SPTY2D1: variants seen among roughly 807,000 people sequenced by gnomAD.
SPTY2D1 encodes the protein protein SPT2 homolog.
A neutral mutation model predicts 64.0 loss-of-function variants in SPTY2D1; 21 were observed. The ratio of observed to expected loss-of-function variants is 0.33; its 90% CI spans 0.23 to 0.47. The LOEUF is 0.47. SPTY2D1 is among the 20% of genes least tolerant of loss of function. The probability of loss-of-function intolerance (pLI) is 1.00; values close to 1 mark genes in which losing one functional copy is unlikely to be tolerated. For synonymous variants in SPTY2D1, 287 were observed against 286.8 expected, an observed-to-expected ratio of 1.00 and a Z score of -0.01; for missense variants, 724 against 837.2, an observed-to-expected ratio of 0.86 and a Z score of 1.67.
chr11:18,614,843 T>A lies in SPTY2D1; in HGVS notation c.1431A>T (p.Arg477=), dbSNP rs1164070623. 2 of 1,613,512 alleles carry A rather than the reference T, an allele frequency of 1.2e-6. No homozygotes were observed. The highest frequency in any genetic ancestry group is 1.7e-6 in the Non-Finnish European group (2 of 1,179,748). ...RPVSSPHELR[R]PVSGLGPPGR... is the part of the protein sequence containing the mutation. ...CCGGGGGGCCCAAGCCACTCACTGG[T>A]CGTCGAAGTTCATGTGGACTGCTCA... The change falls in exon 3 of 6, where the codon CGA becomes CGT. Residue 477 remains arginine (R), a synonymous_variant. Transcript: ENST00000336349.
chr11:18,613,985 C>T (rs74560026), intron 3 of SPTY2D1, among the ~76,000 whole-genome samples: 3,202 of 152,242 alleles, frequency 0.021, 43 homozygotes, highest in African/African-American at 0.04. Context: ...TTAATTCATC[C>T]ATTGCAGCAT....
chr11:18,612,254 C>T lies in SPTY2D1; in HGVS notation c.1886+60G>A. 1 of 1,393,898 alleles carries T rather than the reference C, an allele frequency of 7.2e-7. No individual in the cohort carries two copies. Among genetic ancestry groups the T allele is most frequent in the South Asian group, 1.4e-5 (1 of 69,238 alleles). The allele number at this position is 1,393,898 out of a possible 1,614,324, so 86.3% of individuals were successfully genotyped here. A position where few individuals can be genotyped will look rare whatever the true frequency, so the allele number is the denominator to read the frequency against. On this transcript the variant is annotated intron_variant, in intron 4 of 5. Transcript: ENST00000336349. The surrounding 1 kb of genome is among the most constrained non-coding windows in gnomAD (Gnocchi z 4.6). ...CCACTATTAGTTTATTACCCCATGA[C>T]ATGAATTATTCAAAATAAAAAAAGG...
chr11:18,634,254 C>T lies in SPTY2D1; in HGVS notation c.4G>A (p.Asp2Asn), dbSNP rs766557936. The T allele has an allele frequency of 5.0e-6, 8 of 1,614,038 alleles. No individual in the cohort carries two copies. The highest frequency in any genetic ancestry group is 1.7e-5 in the Admixed American group (1 of 60,004). Residue 2 changes from aspartate (D) to asparagine (N), a missense_variant, in exon 1 of 6, where the codon GAC becomes AAC. Physicochemically the swap from Asp to Asn is conservative, Grantham distance 23. Transcript: ENST00000336349. ...GCTATCATGAGAATTTCTCTGAAGT[C>T]CATGTTGGGCCGAGGCGGGAGAGAC... M[D>N]FREILMIASK... is the part of the protein sequence containing the mutation.
intron 1 of SPTY2D1, among the ~76,000 whole-genome samples, chr11:18,618,072 A>C (rs1462225214): frequency 6.6e-6 from 1 of 152,224 alleles, no homozygotes; most frequent in Non-Finnish European, 1.5e-5. Context: ...TACTCCTCAC[A>C]ACTATTTTCT....
rs769164045 is a variant in SPTY2D1 at position 18,634,299 on chromosome 11, G to A, written c.-42C>T. 4 of 1,609,804 alleles carry A rather than the reference G, an allele frequency of 2.5e-6. No homozygotes were observed. Among genetic ancestry groups the A allele is most frequent in the African/African-American group, 1.3e-5 (1 of 74,848 alleles). On this transcript the variant is annotated 5_prime_UTR_variant, in exon 1 of 6. Coordinates refer to ENST00000336349, the MANE Select transcript of SPTY2D1 (RefSeq NM_194285.3). ...AGAGACTGGGCCAGGCACTCGGAAA[G>A]GACTGACAGCGCACCTAACCGAGGC...
chr11:18,614,508 C>A, intron 3 of SPTY2D1, 55 bp downstream of exon 3: 1 of 1,524,610 alleles, frequency 6.6e-7, no homozygotes, highest in South Asian at 1.3e-5. Context: ...TATAAAAACT[C>A]TTTCCAATTT....
At chr11:18,625,536 C>A (rs1317131817) in intron 1 of SPTY2D1, among the ~76,000 whole-genome samples, 1 of 150,202 alleles carries the variant, frequency 6.7e-6, no homozygotes, top group Non-Finnish European at 1.5e-5. Context: ...CCAAAATATT[C>A]TCACTACAAC....
rs773567810 is a variant in SPTY2D1, at chr11:18,634,262, G to C, written c.-5C>G. On this transcript the variant is annotated 5_prime_UTR_variant, in exon 1 of 6. Transcript: ENST00000336349. Reference sequence around the variant, plus strand: ...GAGAATTTCTCTGAAGTCCATGTTGGGCCGAGGCGGGAGAGACTGGGCCAG... The same window carrying C: ...GAGAATTTCTCTGAAGTCCATGTTGCGCCGAGGCGGGAGAGACTGGGCCAG... 1 of 1,614,086 alleles carries C rather than the reference G, an allele frequency of 6.2e-7. No individual in the cohort carries two copies. The highest frequency in any genetic ancestry group is 8.5e-7 in the Non-Finnish European group (1 of 1,180,030).
At chr11:18,624,923 C>T (rs1385894771) in intron 1 of SPTY2D1, among the ~76,000 whole-genome samples, 4 of 152,140 alleles carry the variant, frequency 2.6e-5, no homozygotes, top group African/African-American at 7.2e-5. Flanking sequence ...TGCTTGAACC[C>T]GGGAGGCAGA....
At chr11:18,624,215 A>AG (rs1379421412) in intron 1 of SPTY2D1, among the ~76,000 whole-genome samples, 2 of 151,754 alleles carry the variant, frequency 1.3e-5, no homozygotes, top group Admixed American at 1.3e-4. Context: ...GAGAGGAAAA[A>AG]AAAAAAAAAG....
Position 18,606,573 on chromosome 11 carries a change from T to TTTAA in SPTY2D1, c.*3284_*3287dup. ...TCCATTGTGTAAAAGACAGGATGGA[T>TTTAA]TTAATTACTCCAAAGAAATCTCTAT... On this transcript the variant is annotated 3_prime_UTR_variant, in exon 6 of 6. Coordinates refer to ENST00000336349, the MANE Select transcript of SPTY2D1 (RefSeq NM_194285.3). The TTTAA allele has an allele frequency of 3.5e-6, 1 of 288,948 alleles. No individual in the cohort carries two copies. Among genetic ancestry groups the TTTAA allele is most frequent in the South Asian group, 3.0e-5 (1 of 33,858 alleles). 17.9% of individuals were successfully genotyped at this position (288,948 alleles called of 1,614,324 possible).
At chr11:18,617,108 T>C (rs1854311224) in intron 1 of SPTY2D1, 119 bp from the exon 2 acceptor site, 2 of 740,044 alleles carry the variant, frequency 2.7e-6, no homozygotes, top group Non-Finnish European at 4.5e-6. Flanking sequence ...CTATTCTGAA[T>C]AATTGAGAGA....
rs772935752 is a variant in SPTY2D1 at position 18,615,023 on chromosome 11, C to T, written c.1251G>A (p.Lys417=). 2 of 1,614,172 alleles carry T rather than the reference C, an allele frequency of 1.2e-6. No individual in the cohort carries two copies. Among genetic ancestry groups the T allele is most frequent in the East Asian group, 4.5e-5 (2 of 44,888 alleles). ...GPERSISGSK[K]PTNDSNPSRR... ...TAGAGGGATTTGAGTCATTGGTTGGCTTCTTGGACCCACTGATTGATCGCT... is the reference window on the plus strand; with the variant it reads ...TAGAGGGATTTGAGTCATTGGTTGGTTTCTTGGACCCACTGATTGATCGCT... The change falls in exon 3 of 6, where the codon AAG becomes AAA. Residue 417 remains lysine (K), a synonymous_variant. Coordinates refer to ENST00000336349, the MANE Select transcript of SPTY2D1 (RefSeq NM_194285.3).
intron 1 of SPTY2D1, among the ~76,000 whole-genome samples, chr11:18,625,763 G>C (rs1245438068): frequency 1.3e-5 from 2 of 151,628 alleles, no homozygotes; most frequent in African/African-American, 2.4e-5. Flanking sequence ...GATTGGGGGG[G>C]GGGTCTCACT....
At position 18,615,182 on chromosome 11, in the gene SPTY2D1, C is replaced by G. The variant is rs995830953; in HGVS notation, c.1092G>C (p.Lys364Asn). The change falls in exon 3 of 6, where the codon AAG (lysine) becomes AAC (asparagine). Residue 364 changes from lysine (K) to asparagine (N), a missense_variant. Physicochemically the swap from Lys to Asn is moderately conservative, Grantham distance 94 (BLOSUM62 0). Transcript: ENST00000336349. ...TGCCTGGCTGCCTGACACCTGGACT[C>G]TTAGCCTTATTGTGTGGGGTGACCA... is the stretch of plus-strand genomic sequence containing the variant. ...GPMVTPHNKAKSPGVRQPGSS... is the reference protein window; with the variant it reads ...GPMVTPHNKANSPGVRQPGSS... 7.4e-6 allele frequency: 12 copies of G among 1,614,130 alleles called. No homozygotes were observed. The highest frequency in any genetic ancestry group is 8.5e-6 in the Non-Finnish European group (10 of 1,180,058).
At chr11:18,611,738 T>C (rs1854209635) in intron 4 of SPTY2D1, among the ~76,000 whole-genome samples, 184 bp from the exon 5 acceptor site, 1 of 152,102 alleles carries the variant, frequency 6.6e-6, no homozygotes, top group Non-Finnish European at 1.5e-5. Context: ...TAAAGACAAG[T>C]TTTAGATAAG....
At chr11:18,623,502 T>C (rs961395779) in intron 1 of SPTY2D1, among the ~76,000 whole-genome samples, 5 of 152,250 alleles carry the variant, frequency 3.3e-5, no homozygotes, top group African/African-American at 1.2e-4. Flanking sequence ...TACCCAGTTA[T>C]TTAATCAAAC....
rs374251066 is a variant in SPTY2D1, at chr11:18,617,955, ATAAG to A, written c.61-970_61-967del. On this transcript the variant is annotated intron_variant, in intron 1 of 5. Transcript: ENST00000336349. Reference sequence around the variant, plus strand: ...AAACTCCGTCTCAATCCATCAATCTATAAGTAAGTAAGTAAGTAAGTAAATGTAT... The same window carrying A: ...AAACTCCGTCTCAATCCATCAATCTATAAGTAAGTAAGTAAGTAAATGTAT... Among the ~76,000 whole-genome samples the A allele has an allele frequency of 3.5e-3, 531 of 152,210 alleles. 2 individuals carry two copies. Among genetic ancestry groups the A allele is most frequent in the African/African-American group, 0.012 (493 of 41,516 alleles).
Position 18,615,041 on chromosome 11 carries a change from T to C in SPTY2D1, c.1233A>G (p.Ser411=). Residue 411 remains serine (S), a synonymous_variant, in exon 3 of 6, where the codon TCA becomes TCG. Transcript: ENST00000336349. ...TGGTTGGCTTCTTGGACCCACTGAT[T>C]GATCGCTCAGGTCCTGAGCTGGAGC... The part of the protein sequence containing the change: ...NGSSSSGPER[S]ISGSKKPTND... 6.2e-7 allele frequency: 1 copy of C among 1,614,146 alleles called. No individual in the cohort carries two copies. Among genetic ancestry groups the C allele is most frequent in the Non-Finnish European group, 8.5e-7 (1 of 1,180,050 alleles).
Sources: gnomAD v4.1 joint callset for allele counts (sites outside exome capture counted in the v4.1 genomes callset) on GRCh38, gnomAD v4.1.1 for gene constraint, Gnocchi (gnomAD v3.1) non-coding constraint, MANE v1.5 for transcripts, NCBI Gene and HGNC (gene_info 2026-07-23, HGNC 2026-07-21) for gene names.